Variants in COLEC12 observed in about 807,000 individuals in gnomAD.
COLEC12 encodes collectin subfamily member 12.
In COLEC12, 33 loss-of-function variants were observed where a neutral mutation model predicts 71.1. The observed-to-expected ratio is 0.46, with a 90% CI of 0.35 to 0.62. The LOEUF (loss-of-function observed/expected upper bound fraction) is 0.62, where lower values mean the gene tolerates loss of function less well. Among genes scored for constraint, COLEC12 ranks in the 20% least tolerant of loss-of-function variants. The pLI is 0.00. For synonymous variants in COLEC12, 350 were observed against 353.0 expected (o/e 0.99, Z 0.10); for missense variants, 765 against 916.1 (o/e 0.84, Z 2.13).
chr18:319,334 A>ATT lies in COLEC12; in HGVS notation c.*710_*711insAA, dbSNP rs1567870983. 1.9e-5 allele frequency: 1 copy of ATT among 53,828 alleles called. No individual in the cohort carries two copies. Among genetic ancestry groups the ATT allele is most frequent in the Non-Finnish European group, 4.4e-5 (1 of 22,868 alleles). The allele number at this position is 53,828 out of a possible 1,614,324, so 3.3% of individuals were successfully genotyped here. On this transcript the variant is annotated 3_prime_UTR_variant, in exon 10 of 10. Transcript: ENST00000400256. ...GAAATGAAACATTAAAAAAAAAAAA[A>ATT]AAAAAAAATATATATATATATATAT...
At chr18:369,835 C>T (rs1178089846) in intron 2 of COLEC12, among the ~76,000 whole-genome samples, 2 of 152,072 alleles carry the variant, frequency 1.3e-5, no homozygotes, top group Non-Finnish European at 2.9e-5. Context: ...AATGAGGTGG[C>T]ATAGCAAAGT....
chr18:455,840 G>A (rs374682702), intron 2 of COLEC12, among the ~76,000 whole-genome samples: 102 of 152,176 alleles, frequency 6.7e-4, no homozygotes, highest in African/African-American at 2.4e-3. Flanking sequence ...TCTTTTTTAC[G>A]GCTGCATAGT....
intron 2 of COLEC12, among the ~76,000 whole-genome samples, chr18:384,039 T>C (rs1915291334): frequency 6.6e-6 from 1 of 152,202 alleles, no homozygotes; most frequent in African/African-American, 2.4e-5. Flanking sequence ...TATCTCCCAC[T>C]GGGTCCCTCC....
chr18:385,727 G>A (rs1380679575), intron 2 of COLEC12, among the ~76,000 whole-genome samples: 1 of 152,080 alleles, frequency 6.6e-6, no homozygotes, highest in Non-Finnish European at 1.5e-5. Context: ...TTTATGGAAT[G>A]TTTCCCCATA....
At chr18:438,182 A>C (rs943393634) in intron 2 of COLEC12, among the ~76,000 whole-genome samples, 2 of 152,226 alleles carry the variant, frequency 1.3e-5, no homozygotes, top group African/African-American at 4.8e-5. Flanking sequence ...AAAAAAGTAG[A>C]TATGAGTGAT....
chr18:364,702 C>G (rs1914818737), intron 2 of COLEC12, among the ~76,000 whole-genome samples: 2 of 152,138 alleles, frequency 1.3e-5, no homozygotes, highest in Admixed American at 1.3e-4. Context: ...TTGAGGAAGG[C>G]CATGAGACAT....
intron 1 of COLEC12, among the ~76,000 whole-genome samples, chr18:481,986 G>A (rs557844755): frequency 3.7e-4 from 57 of 152,096 alleles, no homozygotes; most frequent in African/African-American, 1.3e-3. Flanking sequence ...GTGGGTTGTG[G>A]GGGTTTGGTG....
chr18:346,930 C>T lies in COLEC12; in HGVS notation c.692G>A (p.Ser231Asn). ...GTTCTTGATTCGCTGGATAGCCTGG[C>T]TTGTGTCATCCACAGACCGCTGCAG... ...TNLQRSVDDT[S>N]QAIQRIKNDF... The change falls in exon 5 of 10, where the codon AGC becomes AAC. Residue 231 changes from serine to asparagine, a missense_variant. Ser to Asn is a conservative substitution (Grantham distance 46). Transcript: ENST00000400256. This position sits in a 1 kb window ranked among gnomAD's most constrained non-coding sequence, Gnocchi z 4.0. 6.2e-7 allele frequency: 1 copy of T among 1,614,184 alleles called. No individual in the cohort carries two copies. The highest frequency in any genetic ancestry group is 8.5e-7 in the Non-Finnish European group (1 of 1,180,024).
At chr18:340,257 C>G (rs683712) in intron 5 of COLEC12, among the ~76,000 whole-genome samples, 100,794 of 151,760 alleles carry the variant, frequency 0.66, 34,127 homozygotes, top group East Asian at 0.97. Context: ...AGGCCAAGTA[C>G]GGGTGGCTCA....
chr18:442,174 G>A (rs183859330), intron 2 of COLEC12, among the ~76,000 whole-genome samples: 1 of 151,162 alleles, frequency 6.6e-6, no homozygotes, highest in Non-Finnish European at 1.5e-5. Context: ...AAATGACACA[G>A]AGAGAAAAGA....
chr18:452,105 G>A (rs1210094639), intron 2 of COLEC12, among the ~76,000 whole-genome samples: 3 of 152,176 alleles, frequency 2.0e-5, no homozygotes, highest in South Asian at 2.1e-4. Context: ...CCAACTATGC[G>A]TGATCTAGTG....
intron 2 of COLEC12, among the ~76,000 whole-genome samples, chr18:365,932 C>T (rs1426229340): frequency 6.6e-6 from 1 of 152,152 alleles, no homozygotes; most frequent in African/African-American, 2.4e-5. Context: ...ACTCCCCCCA[C>T]CCCAAGTTTA....
chr18:358,249 T>A (rs907706909), intron 2 of COLEC12, among the ~76,000 whole-genome samples: 1 of 152,212 alleles, frequency 6.6e-6, no homozygotes, highest in Admixed American at 6.5e-5. Context: ...CCCATCTTCT[T>A]CCCCAATTTT....
At chr18:481,322 A>T (rs1475034344) in intron 1 of COLEC12, among the ~76,000 whole-genome samples, 1 of 147,006 alleles carries the variant, frequency 6.8e-6, no homozygotes, top group African/African-American at 2.4e-5. Flanking sequence ...CCGATGGGTA[A>T]CTGGGACCAA....
In COLEC12 at chr18:480,877, G is replaced by T; in HGVS notation, c.8-120C>A. On this transcript the variant is annotated intron_variant, in intron 1 of 9. Coordinates refer to ENST00000400256, the MANE Select transcript of COLEC12 (RefSeq NM_130386.3). The surrounding 1 kb of genome is among the most constrained non-coding windows in gnomAD (Gnocchi z 4.1). ...TCACAGCAGCTTTCCTTCTGCTCGT[G>T]GATCGCACCAGGCTTTCTGGAAGAG... 1.1e-6 allele frequency: 1 copy of T among 885,218 alleles called. No individual in the cohort carries two copies. The highest frequency in any genetic ancestry group is 1.9e-6 in the Non-Finnish European group (1 of 522,572). 54.8% of individuals were successfully genotyped at this position (885,218 alleles called of 1,614,324 possible).
intron 5 of COLEC12, among the ~76,000 whole-genome samples, chr18:340,303 C>G (rs113426974): frequency 6.6e-6 from 1 of 152,076 alleles, no homozygotes; most frequent in Non-Finnish European, 1.5e-5. Context: ...GATACCCACG[C>G]GGCTGGTAAA....
intron 2 of COLEC12, among the ~76,000 whole-genome samples, chr18:470,111 G>C (rs1246936700): frequency 6.6e-6 from 1 of 151,844 alleles, no homozygotes; most frequent in African/African-American, 2.4e-5. Context: ...CCATGAGGTG[G>C]GACAATCATT....
At chr18:331,155 C>T (rs1318122854) in intron 8 of COLEC12, among the ~76,000 whole-genome samples, 1 of 152,128 alleles carries the variant, frequency 6.6e-6, no homozygotes, top group South Asian at 2.1e-4. Flanking sequence ...TCCCAAAGTG[C>T]CGGGATTACA....
At chr18:464,622 C>G (rs1917050264) in intron 2 of COLEC12, among the ~76,000 whole-genome samples, 1 of 152,206 alleles carries the variant, frequency 6.6e-6, no homozygotes, top group Non-Finnish European at 1.5e-5. Context: ...TATTTCCTTT[C>G]AAGCATTTCT....
Sources: allele counts gnomAD v4.1 joint callset (sites outside exome capture counted in the v4.1 genomes callset), GRCh38; gene constraint gnomAD v4.1.1; non-coding constraint Gnocchi (gnomAD v3.1); transcripts MANE v1.5; gene names NCBI Gene and HGNC (gene_info 2026-07-23, HGNC 2026-07-21).